Variants in SORCS2 observed in about 807,000 individuals in gnomAD.
SORCS2 encodes VPS10 domain-containing receptor SorCS2.
SORCS2 carries 100 observed loss-of-function variants against 141.6 expected under a neutral mutation model. That is an observed-to-expected ratio of 0.71 (90% CI 0.60 to 0.83). SORCS2 has a LOEUF of 0.83. SORCS2 is among the 40% of genes least tolerant of loss of function. The pLI is 0.00. For missense variants in SORCS2, 1,646 were observed against 1,560.2 expected, an observed-to-expected ratio of 1.05 and a Z score of -0.93; for synonymous variants, 789 against 676.9, an observed-to-expected ratio of 1.17 and a Z score of -2.57.
intron 1 of SORCS2, among the ~76,000 whole-genome samples, chr4:7,315,379 G>T (rs1438077320): frequency 6.6e-6 from 1 of 152,210 alleles, no homozygotes; most frequent in Non-Finnish European, 1.5e-5. Flanking sequence ...TTCCATTCTT[G>T]CCACTCACAT....
intron 3 of SORCS2, among the ~76,000 whole-genome samples, chr4:7,572,265 T>C (rs1351066648): frequency 6.6e-6 from 1 of 152,190 alleles, no homozygotes; most frequent in Admixed American, 6.5e-5. Flanking sequence ...AAATATGGGA[T>C]ATGCACCCCT....
intron 11 of SORCS2, among the ~76,000 whole-genome samples, chr4:7,693,660 C>G (rs1226194654): frequency 6.6e-6 from 1 of 152,240 alleles, no homozygotes; most frequent in East Asian, 1.9e-4. Flanking sequence ...GTGATGGTAG[C>G]ATTTAGCCAA....
intron 3 of SORCS2, among the ~76,000 whole-genome samples, chr4:7,531,841 G>T (rs1313196995): frequency 6.6e-6 from 1 of 152,228 alleles, no homozygotes. Context: ...TTGGAGGAAG[G>T]CACCGCCTGC....
rs1727476644 is a variant in SORCS2 at position 7,201,405 on chromosome 4, A to G, written c.480+8279A>G. ...ATTTGTAGTTGCGTGAAGGTTCCTG[A>G]GAGTATTCTAAAGAGGTCATAAATT... On this transcript the variant is annotated intron_variant, in intron 1 of 26. Transcript: ENST00000507866. This position sits in a 1 kb window ranked among gnomAD's most constrained non-coding sequence, Gnocchi z 4.4. Among the ~76,000 whole-genome samples, 1 of 152,214 alleles carries G rather than the reference A, an allele frequency of 6.6e-6. No individual in the cohort carries two copies. Among genetic ancestry groups the G allele is most frequent in the Non-Finnish European group, 1.5e-5 (1 of 68,042 alleles).
chr4:7,237,675 C>T (rs373428266), intron 1 of SORCS2, among the ~76,000 whole-genome samples: 6 of 152,204 alleles, frequency 3.9e-5, no homozygotes, highest in Non-Finnish European at 1.5e-5. Flanking sequence ...TATGTTTCAG[C>T]CTCTCTGGGC....
Position 7,740,024 on chromosome 4 carries a change from AG to A in SORCS2, c.3416-174del, listed in dbSNP as rs148582230. On this transcript the variant is annotated intron_variant, in intron 26 of 26. Transcript: ENST00000507866. ...ATGGCACCGGGAGAGCCCACTCCTC[AG>A]GCACCCACCTAGGAACCGCGGAGAC... 3.4e-4 allele frequency among the ~76,000 whole-genome samples: 52 copies of A among 152,030 alleles called. No homozygotes were observed. In the East Asian group the frequency reaches 9.1e-3, roughly 27 times the overall value.
At chr4:7,550,101 T>TC (rs368109284) in intron 3 of SORCS2, among the ~76,000 whole-genome samples, 7 of 146,460 alleles carry the variant, frequency 4.8e-5, no homozygotes, top group African/African-American at 1.8e-4. Flanking sequence ...CTGGTGTTTT[T>TC]TTTTTTCCGT....
At chr4:7,545,137 G>A (rs866310975) in intron 3 of SORCS2, among the ~76,000 whole-genome samples, 25 of 38,726 alleles carry the variant, frequency 6.5e-4, no homozygotes, top group South Asian at 1.6e-3. Flanking sequence ...AGGAGAGGAG[G>A]GAAAAGAAAA....
rs755301073 is a variant in SORCS2, at chr4:7,542,005, G to A, written c.648+10376G>A. ...ACCCCCTGCCAGCTCCCCACTTTTT[G>A]GCCCCATTCCCCTTTTGTAACAGGG... On this transcript the variant is annotated intron_variant, in intron 3 of 26. Transcript: ENST00000507866. 3.3e-5 allele frequency among the ~76,000 whole-genome samples: 5 copies of A among 152,178 alleles called. No individual in the cohort carries two copies. In the South Asian group the frequency reaches 1.0e-3, roughly 32 times the overall value.
At chr4:7,290,407 C>T (rs1397649222) in intron 1 of SORCS2, among the ~76,000 whole-genome samples, 1 of 152,144 alleles carries the variant, frequency 6.6e-6, no homozygotes, top group Non-Finnish European at 1.5e-5. Context: ...CTTTGACTGT[C>T]CCCCAGACCC....
intron 1 of SORCS2, among the ~76,000 whole-genome samples, chr4:7,337,337 A>G (rs897694706): frequency 5.3e-5 from 8 of 152,120 alleles, no homozygotes; most frequent in African/African-American, 1.9e-4. Context: ...CTCTGCAAAT[A>G]ATGGCATGGG....
intron 2 of SORCS2, among the ~76,000 whole-genome samples, chr4:7,444,464 T>C (rs982305751): frequency 3.3e-4 from 50 of 152,136 alleles, no homozygotes; most frequent in African/African-American, 1.1e-3. Flanking sequence ...GGTCAGTGTC[T>C]GAGTGTGCAC....
chr4:7,407,881 A>C (rs1256356327), intron 2 of SORCS2, among the ~76,000 whole-genome samples: 3 of 152,138 alleles, frequency 2.0e-5, no homozygotes, highest in Non-Finnish European at 4.4e-5. Flanking sequence ...AGGCTTATAA[A>C]ATCATATAGC....
intron 1 of SORCS2, among the ~76,000 whole-genome samples, chr4:7,307,558 G>T (rs1717910412): frequency 6.6e-6 from 1 of 152,328 alleles, no homozygotes; most frequent in African/African-American, 2.4e-5. Flanking sequence ...GCAGGTCAGG[G>T]CTCCGCCGCC....
At chr4:7,285,036 A>ATATT (rs1553826991) in intron 1 of SORCS2, among the ~76,000 whole-genome samples, 131 of 140,116 alleles carry the variant, frequency 9.3e-4, no homozygotes, top group Non-Finnish European at 1.4e-3. Flanking sequence ...ATATATATAT[A>ATATT]TTTTTTTTTT....
chr4:7,632,522 A>G (rs536764108), intron 3 of SORCS2, among the ~76,000 whole-genome samples: 2 of 152,170 alleles, frequency 1.3e-5, no homozygotes, highest in African/African-American at 4.8e-5. Flanking sequence ...CCAACTCGGC[A>G]CCAAAAATAG....
chr4:7,570,990 G>T (rs1408814585), intron 3 of SORCS2, among the ~76,000 whole-genome samples: 1 of 152,304 alleles, frequency 6.6e-6, no homozygotes, highest in South Asian at 2.1e-4. Context: ...CAGAGGCGCA[G>T]CCACTCTCCA....
intron 10 of SORCS2, among the ~76,000 whole-genome samples, chr4:7,685,007 C>T (rs976399751): frequency 1.3e-5 from 2 of 152,208 alleles, no homozygotes; most frequent in Admixed American, 6.5e-5. Flanking sequence ...GCCGGCTGCC[C>T]GCCTCTGCTC....
intron 1 of SORCS2, among the ~76,000 whole-genome samples, chr4:7,219,700 C>A (rs999236199): frequency 5.3e-5 from 8 of 152,196 alleles, no homozygotes; most frequent in Non-Finnish European, 1.2e-4. Flanking sequence ...ATGATCCAAC[C>A]ACTTCCTGCT....
Sources: allele counts gnomAD v4.1 joint callset (sites outside exome capture counted in the v4.1 genomes callset), GRCh38; gene constraint gnomAD v4.1.1; non-coding constraint Gnocchi (gnomAD v3.1); transcripts MANE v1.5; gene names NCBI Gene and HGNC (gene_info 2026-07-23, HGNC 2026-07-21).